DENND2C: variants seen among roughly 807,000 people sequenced by gnomAD.
DENND2C encodes DENN domain containing 2C.
In DENND2C, 72 loss-of-function variants were observed where a neutral mutation model predicts 112.4. The observed-to-expected ratio is 0.64, with a 90% CI of 0.53 to 0.78. The LOEUF (loss-of-function observed/expected upper bound fraction) is 0.78, where lower values mean the gene tolerates loss of function less well. Among genes scored for constraint, DENND2C ranks in the 30% least tolerant of loss-of-function variants. DENND2C has a pLI of 0.00. For missense variants in DENND2C, 992 were observed against 1,113.8 expected (o/e 0.89, Z 1.56); for synonymous variants, 329 against 381.6 (o/e 0.86, Z 1.61).
At chr1:114,669,100 T>C (rs546296095) in intron 1 of DENND2C, among the ~76,000 whole-genome samples, 105 of 152,370 alleles carry the variant, frequency 6.9e-4, no homozygotes, top group African/African-American at 2.2e-3. Flanking sequence ...AGCAAGGATC[T>C]ATCACTTTAT....
At chr1:114,596,255 G>A (rs1397885048) in intron 16 of DENND2C, among the ~76,000 whole-genome samples, 5 of 152,078 alleles carry the variant, frequency 3.3e-5, no homozygotes, top group Non-Finnish European at 4.4e-5. Context: ...CCAGCTACTC[G>A]GGAGGCTGAT....
At chr1:114,590,544 T>C (rs903326095) in intron 18 of DENND2C, among the ~76,000 whole-genome samples, 1 of 152,074 alleles carries the variant, frequency 6.6e-6, no homozygotes, top group African/African-American at 2.4e-5. Flanking sequence ...TTTGGGAGGC[T>C]GAGGCGGGCG....
At chr1:114,657,737 T>A (rs979479882) in intron 1 of DENND2C, among the ~76,000 whole-genome samples, 1 of 151,732 alleles carries the variant, frequency 6.6e-6, no homozygotes, top group Non-Finnish European at 1.5e-5. Flanking sequence ...ATTCAAGGAG[T>A]TTATCCAAAT....
intron 1 of DENND2C, among the ~76,000 whole-genome samples, chr1:114,659,927 A>G (rs1365792132): frequency 6.7e-6 from 1 of 149,166 alleles, no homozygotes; most frequent in Non-Finnish European, 1.5e-5. Flanking sequence ...GATAGCTAAG[A>G]CCACAGGAAC....
rs762243663 is a variant in DENND2C, at chr1:114,595,891, C to CA, written c.2284-19dup. ...ATCAGCACCTATGAAATAAAGGAGCCAGGCAAGTTCAACCAGAGACATTCA... is the reference window on the plus strand; with the variant it reads ...ATCAGCACCTATGAAATAAAGGAGCCAAGGCAAGTTCAACCAGAGACATTCA... On this transcript the variant is annotated intron_variant, in intron 16 of 20. Coordinates refer to ENST00000393274, the MANE Select transcript of DENND2C (RefSeq NM_001256404.2). 4 of 1,612,874 alleles carry CA rather than the reference C, an allele frequency of 2.5e-6. No individual in the cohort carries two copies. The South Asian group carries it at 3.3e-5, about 13-fold the overall frequency.
At chr1:114,618,133 C>T (rs1015040978) in intron 8 of DENND2C, among the ~76,000 whole-genome samples, 12 of 151,982 alleles carry the variant, frequency 7.9e-5, no homozygotes, top group Admixed American at 5.9e-4. Context: ...GGACTACAGG[C>T]GCCCGCCACC....
At position 114,587,794 on chromosome 1, in the gene DENND2C, A is replaced by AGT. The variant is rs1655080562; in HGVS notation, c.2588_2589dup (p.Phe864ThrfsTer49). On this transcript the variant is annotated frameshift_variant, in exon 19 of 21. Coordinates refer to ENST00000393274, the MANE Select transcript of DENND2C (RefSeq NM_001256404.2). LOFTEE classifies it high-confidence loss of function. Reference sequence around the variant, plus strand: ...TGAGTTTCCATGAAGAGATCCAGGAAGTGGCGTACACTTCGGGAGGTGTGG... The same window carrying AGT: ...TGAGTTTCCATGAAGAGATCCAGGAAGTGTGGCGTACACTTCGGGAGGTGTGG... The AGT allele has an allele frequency of 6.2e-7, 1 of 1,614,038 alleles. No individual in the cohort carries two copies. Among genetic ancestry groups the AGT allele is most frequent in the African/African-American group, 1.3e-5 (1 of 74,922 alleles).
intron 8 of DENND2C, among the ~76,000 whole-genome samples, chr1:114,616,707 T>C (rs778722501): frequency 6.6e-6 from 1 of 152,034 alleles, no homozygotes; most frequent in South Asian, 2.1e-4. Flanking sequence ...TACAAAAAAT[T>C]AGCCGGGTGT....
chr1:114,657,391 T>C (rs1429322392), intron 1 of DENND2C, among the ~76,000 whole-genome samples: 8 of 152,200 alleles, frequency 5.3e-5, no homozygotes, highest in Admixed American at 5.2e-4. Context: ...CTCCAAAACA[T>C]TGGTAATCAA....
chr1:114,600,306 T>G lies in DENND2C; in HGVS notation c.2003A>C (p.Asp668Ala). The G allele has an allele frequency of 3.7e-6, 6 of 1,614,084 alleles. No individual in the cohort carries two copies. In the South Asian group the frequency reaches 6.6e-5, roughly 18 times the overall value. ...RPLDSRLEHV[D>A]FKCLFKCLSV... is the part of the protein sequence containing the mutation. The stretch of plus-strand genomic sequence containing the variant: ...CAGGCACTTAAAGAGACATTTAAAA[T>G]CAACATGTTCCAATCGGGAATCTAG... The change falls in exon 15 of 21, where the codon GAT becomes GCT. Residue 668 changes from aspartate (D) to alanine (A), a missense_variant. Around this residue, in one of 3 missense-constraint regions of DENND2C, gnomAD observed 516 missense variants for 623.6 expected, o/e 0.83. Coordinates refer to ENST00000393274, the MANE Select transcript of DENND2C (RefSeq NM_001256404.2).
At chr1:114,609,862 C>T (rs1456770877) in intron 9 of DENND2C, among the ~76,000 whole-genome samples, 1 of 152,182 alleles carries the variant, frequency 6.6e-6, no homozygotes, top group African/African-American at 2.4e-5. Context: ...GTGCTCTAGT[C>T]AAAGCTTTAC....
chr1:114,656,617 C>T (rs981189752), intron 1 of DENND2C, among the ~76,000 whole-genome samples: 3 of 151,568 alleles, frequency 2.0e-5, no homozygotes, highest in Non-Finnish European at 4.4e-5. Flanking sequence ...AGGATGGTCT[C>T]GATCTCCTGA....
chr1:114,630,317 A>G (rs1480968992), intron 3 of DENND2C, among the ~76,000 whole-genome samples: 1 of 151,832 alleles, frequency 6.6e-6, no homozygotes, highest in East Asian at 1.9e-4. Context: ...AAAAAAAAAG[A>G]AAAGAAAAGA....
At chr1:114,668,451 CTTA>C (rs1347039891) in intron 1 of DENND2C, among the ~76,000 whole-genome samples, 1 of 151,584 alleles carries the variant, frequency 6.6e-6, no homozygotes, top group Non-Finnish European at 1.5e-5. Context: ...TAGAAAACTG[CTTA>C]TTGTCATTAA....
rs141090887 is a variant in DENND2C at position 114,625,859 on chromosome 1, A to C, written c.126T>G (p.Cys42Trp). Residue 42 changes from cysteine (C) to tryptophan (W), a missense_variant, in exon 4 of 21, where the codon TGT becomes TGG. Physicochemically the swap from Cys to Trp is radical, Grantham distance 215. Around this residue, in one of 3 missense-constraint regions of DENND2C, gnomAD observed 470 missense variants for 472.7 expected, o/e 0.99. Transcript: ENST00000393274. ...ANGISNPEKWCPKDFGVRYNC... is the reference protein window; with the variant it reads ...ANGISNPEKWWPKDFGVRYNC... Reference sequence around the variant, plus strand: ...TATATCTCACTCCAAAGTCCTTTGGACACCACTTTTCTGGATTAGATATAC... The same window carrying C: ...TATATCTCACTCCAAAGTCCTTTGGCCACCACTTTTCTGGATTAGATATAC... The C allele has an allele frequency of 2.0e-3, 3,289 of 1,614,052 alleles. 5 individuals carry two copies. The highest frequency in any genetic ancestry group is 2.6e-3 in the Non-Finnish European group (3,115 of 1,179,988).
At chr1:114,629,770 T>C (rs1354283178) in intron 3 of DENND2C, among the ~76,000 whole-genome samples, 1 of 152,228 alleles carries the variant, frequency 6.6e-6, no homozygotes, top group Non-Finnish European at 1.5e-5. Context: ...GTTTTTAACA[T>C]ATTAAGAGAA....
chr1:114,595,420 T>C (rs1655316410), intron 17 of DENND2C: 1 of 155,814 alleles, frequency 6.4e-6, no homozygotes, highest in Non-Finnish European at 1.4e-5. Context: ...GCGGCGGAGC[T>C]TGCAGTGAGC....
intron 1 of DENND2C, among the ~76,000 whole-genome samples, chr1:114,669,238 T>C (rs1429875111): frequency 6.6e-6 from 1 of 152,216 alleles, no homozygotes; most frequent in African/African-American, 2.4e-5. Flanking sequence ...TATCTGACAT[T>C]TGTAGAATAC....
At chr1:114,660,408 C>A (rs1234102278) in intron 1 of DENND2C, among the ~76,000 whole-genome samples, 1 of 152,208 alleles carries the variant, frequency 6.6e-6, no homozygotes, top group Non-Finnish European at 1.5e-5. Flanking sequence ...CACCCACACC[C>A]AGCCTATTGT....
Sources: gnomAD v4.1 joint callset for allele counts (sites outside exome capture counted in the v4.1 genomes callset) on GRCh38, gnomAD v4.1.1 for gene constraint, gnomAD v4.1.1 regional missense constraint, MANE v1.5 for transcripts, NCBI Gene and HGNC (gene_info 2026-07-23, HGNC 2026-07-21) for gene names.